NRXN1: variants seen among roughly 807,000 people sequenced by gnomAD.
NRXN1 encodes neurexin-1.
In NRXN1, 39 loss-of-function variants were observed where a neutral mutation model predicts 150.9. That is an observed-to-expected ratio of 0.26 (90% confidence interval 0.20 to 0.34). The LOEUF (loss-of-function observed/expected upper bound fraction) is 0.34. NRXN1 is among the 10% of genes least tolerant of loss of function. The pLI, the probability that NRXN1 is intolerant of heterozygous loss-of-function variation, is 1.00. For synonymous variants in NRXN1, 924 were observed against 757.0 expected (o/e 1.22, Z -3.62); for missense variants, 1,815 against 1,949.9 (o/e 0.93, Z 1.30).
chr2:50,346,919 C>T lies in NRXN1; in HGVS notation c.3365-109949G>A, dbSNP rs1575169276. 7.7e-7 allele frequency: 1 copy of T among 1,296,794 alleles called. No individual in the cohort carries two copies. The highest frequency in any genetic ancestry group is 9.8e-7 in the Non-Finnish European group (1 of 1,021,846). 80.3% of individuals were successfully genotyped at this position (1,296,794 alleles called of 1,614,324 possible). A position where few individuals can be genotyped will look rare whatever the true frequency, so the allele number is the denominator to read the frequency against. Reference sequence around the variant, plus strand: ...CCGCCGCCCCCGGGCGAGCCCAGCTCGGCGCCGCACCGGAGCATCCTCTGG... The same window carrying T: ...CCGCCGCCCCCGGGCGAGCCCAGCTTGGCGCCGCACCGGAGCATCCTCTGG... On this transcript the variant is annotated intron_variant, in intron 17 of 22. Transcript: ENST00000401669. This position sits in a 1 kb window ranked among gnomAD's most constrained non-coding sequence, Gnocchi z 5.0.
intron 5 of NRXN1, among the ~76,000 whole-genome samples, chr2:50,680,181 T>C (rs562852812): frequency 1.8e-4 from 27 of 152,046 alleles, no homozygotes; most frequent in Non-Finnish European, 3.7e-4. Flanking sequence ...CAACATTACA[T>C]CTATTACTTT....
At chr2:50,620,624 C>T (rs1195076026) in intron 7 of NRXN1, among the ~76,000 whole-genome samples, 1 of 152,146 alleles carries the variant, frequency 6.6e-6, no homozygotes, top group Non-Finnish European at 1.5e-5. Flanking sequence ...TTTCCAGCAA[C>T]ATCACTATTT....
At chr2:50,229,242 T>C (rs1171282219) in intron 18 of NRXN1, among the ~76,000 whole-genome samples, 4 of 152,124 alleles carry the variant, frequency 2.6e-5, no homozygotes, top group African/African-American at 7.2e-5. Context: ...TGTTTTCTGG[T>C]CTTTGGCTGA....
intron 8 of NRXN1, among the ~76,000 whole-genome samples, chr2:50,606,184 G>A (rs1677083165): frequency 6.6e-6 from 1 of 150,980 alleles, no homozygotes. Flanking sequence ...GGGAGGTGGA[G>A]GGTGCAGTGA....
chr2:50,141,491 C>G (rs1707271298), intron 18 of NRXN1, among the ~76,000 whole-genome samples: 1 of 151,748 alleles, frequency 6.6e-6, no homozygotes, highest in Non-Finnish European at 1.5e-5. Context: ...TTCTGTATAC[C>G]AAAGGAAAAA....
At chr2:50,573,647 A>C (rs116330675) in intron 8 of NRXN1, among the ~76,000 whole-genome samples, 1,604 of 152,082 alleles carry the variant, frequency 0.011, 31 homozygotes, top group African/African-American at 0.036. Flanking sequence ...TGGAATCCCA[A>C]AGAGATGTAA....
intron 21 of NRXN1, among the ~76,000 whole-genome samples, chr2:49,992,261 C>T (rs568784076): frequency 5.9e-5 from 9 of 151,888 alleles, no homozygotes; most frequent in African/African-American, 1.9e-4. Context: ...ACTTTTGGAC[C>T]GGGTGCAGTG....
chr2:50,066,971 T>C (rs1695461340), intron 19 of NRXN1, among the ~76,000 whole-genome samples: 1 of 152,184 alleles, frequency 6.6e-6, no homozygotes, highest in Non-Finnish European at 1.5e-5. Context: ...GAGGGGGTGG[T>C]GCAACTCAAG....
intron 17 of NRXN1, among the ~76,000 whole-genome samples, chr2:50,389,216 C>A (rs550400854): frequency 5.6e-4 from 84 of 150,490 alleles, no homozygotes; most frequent in Non-Finnish European, 1.0e-3. Flanking sequence ...TGTGCAAGCA[C>A]AACATCAGAC....
rs1221357967 is a variant in NRXN1 at position 50,394,720 on chromosome 2, T to C, written c.3364+70722A>G. 3.3e-5 allele frequency among the ~76,000 whole-genome samples: 5 copies of C among 152,096 alleles called. No individual in the cohort carries two copies. In the South Asian group the frequency reaches 6.2e-4, roughly 19 times the overall value. On this transcript the variant is annotated intron_variant, in intron 17 of 22. Transcript: ENST00000401669. ...TTTTAAAAAATAAAAGTCATCCTCA[T>C]GATCAAATGTTCCCAGTGGCTTTCT...
chr2:50,020,346 T>C (rs1411674646), intron 21 of NRXN1, among the ~76,000 whole-genome samples: 1 of 152,214 alleles, frequency 6.6e-6, no homozygotes, highest in Non-Finnish European at 1.5e-5. Context: ...GCAATTTCTG[T>C]AGTTTCATTT....
chr2:50,984,134 ATTTT>A (rs70958636), intron 2 of NRXN1, among the ~76,000 whole-genome samples: 6,852 of 72,300 alleles, frequency 0.095, 234 homozygotes, highest in South Asian at 0.15. Flanking sequence ...CGCCAGGCTA[ATTTT>A]TTTTTTTTTT....
chr2:50,331,412 A>G (rs1293487580), intron 17 of NRXN1, among the ~76,000 whole-genome samples: 1 of 152,136 alleles, frequency 6.6e-6, no homozygotes, highest in Non-Finnish European at 1.5e-5. Context: ...AGTGAGATTT[A>G]AAAGTTGTGT....
At chr2:50,623,240 G>C in intron 6 of NRXN1, 74 bp downstream of exon 6, 1 of 1,184,694 alleles carries the variant, frequency 8.4e-7, no homozygotes, top group East Asian at 2.4e-5. Flanking sequence ...CATGTTGTTA[G>C]AGTATTTAAG....
intron 18 of NRXN1, among the ~76,000 whole-genome samples, chr2:50,158,966 T>C (rs2059197953): frequency 6.6e-6 from 1 of 152,064 alleles, no homozygotes; most frequent in Admixed American, 6.6e-5. Context: ...CTACCATTCA[T>C]CACACGCAAG....
chr2:50,342,273 T>G (rs1165040742), intron 17 of NRXN1, among the ~76,000 whole-genome samples: 1 of 152,254 alleles, frequency 6.6e-6, no homozygotes, highest in African/African-American at 2.4e-5. Context: ...TCAAAGATTC[T>G]TCCAAAAATA....
intron 5 of NRXN1, among the ~76,000 whole-genome samples, chr2:50,851,548 T>C (rs756835223): frequency 6.6e-6 from 1 of 152,098 alleles, no homozygotes; most frequent in Non-Finnish European, 1.5e-5. Context: ...AGTTTGTACC[T>C]TGACACCTAT....
chr2:50,862,217 A>AAG (rs1410421550), intron 5 of NRXN1, among the ~76,000 whole-genome samples: 1 of 151,972 alleles, frequency 6.6e-6, no homozygotes. Flanking sequence ...AAAAAAAAAA[A>AAG]AAATTCATGC....
At chr2:50,219,972 TA>T (rs1559115930) in intron 18 of NRXN1, among the ~76,000 whole-genome samples, 3 of 50,636 alleles carry the variant, frequency 5.9e-5, no homozygotes, top group African/African-American at 5.1e-4. Context: ...ATTATATATA[TA>T]TAATATATAT....
Sources: allele counts gnomAD v4.1 joint callset (sites outside exome capture counted in the v4.1 genomes callset), GRCh38; gene constraint gnomAD v4.1.1; non-coding constraint Gnocchi (gnomAD v3.1); transcripts MANE v1.5; gene names NCBI Gene and HGNC (gene_info 2026-07-23, HGNC 2026-07-21).